TREX2: variants seen among roughly 807,000 people sequenced by gnomAD.
TREX2 encodes three prime repair exonuclease 2.
For missense variants in TREX2, 242 were observed against 235.3 expected, an observed-to-expected ratio of 1.03 and a Z score of -0.19; for synonymous variants, 121 against 112.1, an observed-to-expected ratio of 1.08 and a Z score of -0.50.
Position 153,445,021 on chromosome X carries a change from C to A in TREX2, c.410G>T (p.Arg137Leu). ...CAGGCAGACAGTGTCCCGGGGCAGG[C>A]GGGCACCCAGGCGCCGCAGCTCGGC... ...LCAELRRLGA[R>L]LPRDTVCLDT... Residue 137 changes from arginine (R) to leucine (L), a missense_variant, in exon 2 of 2, where the codon CGC (arginine) becomes CTC (leucine). Physicochemically the swap from Arg to Leu is moderately radical, Grantham distance 102. Transcript: ENST00000370231. 8.6e-7 allele frequency: 1 copy of A among 1,165,588 alleles called. No homozygotes were observed. The highest frequency in any genetic ancestry group is 3.2e-5 in the East Asian group (1 of 31,736).
rs1556979442 is a variant in TREX2, at chrX:153,445,248, C to T, written c.183G>A (p.Thr61=). Residue 61 remains threonine (T), a synonymous_variant, in exon 2 of 2, where the codon ACG becomes ACA. Coordinates refer to ENST00000370231, the MANE Select transcript of TREX2 (RefSeq NM_080701.4). ...LVLPRVLDKL[T]LCMCPERPFT... ...AGGGGCGCTCCGGGCACATGCACAG[C>T]GTGAGCTTGTCCAGGACCCGGGGCA... 2.5e-6 allele frequency: 3 copies of T among 1,200,356 alleles called. No individual in the cohort carries two copies. Among genetic ancestry groups the T allele is most frequent in the Admixed American group, 4.4e-5 (2 of 45,106 alleles).
rs73640038 is a variant in TREX2, at chrX:153,445,171, C to T, written c.260G>A (p.Arg87Gln). ...GCCATCAAAGCCAGCCTTCCGGCAT[C>T]GCGCCAGGCCCTCACTGCTCAGGCC... ...ITGLSSEGLARCRKAGFDGAV... is the reference protein window; with the variant it reads ...ITGLSSEGLAQCRKAGFDGAV... Residue 87 changes from arginine (R) to glutamine (Q), a missense_variant, in exon 2 of 2, where the codon CGA (arginine) becomes CAA (glutamine). By Grantham distance (43) the Arg-to-Gln change is conservative. Coordinates refer to ENST00000370231, the MANE Select transcript of TREX2 (RefSeq NM_080701.4). 2.7e-4 allele frequency: 331 copies of T among 1,208,378 alleles called. No individual in the cohort carries two copies. In the African/African-American group the frequency reaches 5.1e-3, roughly 19 times the overall value.
In TREX2 at chrX:153,445,267, C is replaced by G; in HGVS notation, c.164G>C (p.Arg55Pro). ...GCACAGCGTGAGCTTGTCCAGGACC[C>G]GGGGCAATACTAGGGCACCAGACTC... Reference protein sequence around the residue: ...HDESGALVLPRVLDKLTLCMC... With the variant: ...HDESGALVLPPVLDKLTLCMC... The change falls in exon 2 of 2, where the codon CGG becomes CCG. Residue 55 changes from arginine to proline, a missense_variant. Coordinates refer to ENST00000370231, the MANE Select transcript of TREX2 (RefSeq NM_080701.4). 8.3e-7 allele frequency: 1 copy of G among 1,198,435 alleles called. No individual in the cohort carries two copies. Among genetic ancestry groups the G allele is most frequent in the Non-Finnish European group, 1.1e-6 (1 of 887,590 alleles).
chrX:153,445,000 C>A lies in TREX2; in HGVS notation c.431G>T (p.Cys144Phe). The A allele has an allele frequency of 8.5e-7, 1 of 1,175,711 alleles. No individual in the cohort carries two copies. Among genetic ancestry groups the A allele is most frequent in the Non-Finnish European group, 1.1e-6 (1 of 877,385 alleles). Reference sequence around the variant, plus strand: ...CCGCAGGGCCGGCAGCGTGTCCAGGCAGACAGTGTCCCGGGGCAGGCGGGC... The same window carrying A: ...CCGCAGGGCCGGCAGCGTGTCCAGGAAGACAGTGTCCCGGGGCAGGCGGGC... ...LGARLPRDTVCLDTLPALRGL... is the reference protein window; with the variant it reads ...LGARLPRDTVFLDTLPALRGL... Residue 144 changes from cysteine (C) to phenylalanine (F), a missense_variant, in exon 2 of 2, where the codon TGC (cysteine) becomes TTC (phenylalanine). Coordinates refer to ENST00000370231, the MANE Select transcript of TREX2 (RefSeq NM_080701.4).
Position 153,444,929 on chromosome X carries a change from G to C in TREX2, c.502C>G (p.Gln168Glu), listed in dbSNP as rs1349214207. 2.5e-6 allele frequency: 3 copies of C among 1,194,215 alleles called. No homozygotes were observed. Among genetic ancestry groups the C allele is most frequent in the Non-Finnish European group, 3.4e-6 (3 of 887,419 alleles). ...HSHGTRARGR[Q>E]GYSLGSLFHR... ...AAGAGGCTGCCGAGGCTGTAACCCT[G>C]GCGGCCCCGGGCCCGGGTGCCGTGG... The change falls in exon 2 of 2, where the codon CAG becomes GAG. Residue 168 changes from glutamine (Q) to glutamate (E), a missense_variant. Transcript: ENST00000370231.
chrX:153,444,704 G>T lies in TREX2; in HGVS notation c.*16C>A. 1 of 1,174,535 alleles carries T rather than the reference G, an allele frequency of 8.5e-7. No homozygotes were observed. The highest frequency in any genetic ancestry group is 1.1e-6 in the Non-Finnish European group (1 of 877,305). On this transcript the variant is annotated 3_prime_UTR_variant, in exon 2 of 2. Coordinates refer to ENST00000370231, the MANE Select transcript of TREX2 (RefSeq NM_080701.4). ...GAGGCTGGCACTGTCCATGGCACAG[G>T]AGGTGGCCCTGGTGCTCAGGCCTCC...
rs1556979239 is a variant in TREX2, at chrX:153,444,851, C to T, written c.580G>A (p.Val194Met). Residue 194 changes from valine (V) to methionine (M), a missense_variant, in exon 2 of 2, where the codon GTG (valine) becomes ATG (methionine). Transcript: ENST00000370231. Reference sequence around the variant, plus strand: ...AGGAAGATCAGGAGCAGGGTGTGCACGTCGCCCTCGGCTGAGTGGGCTGCG... The same window carrying T: ...AGGAAGATCAGGAGCAGGGTGTGCATGTCGCCCTCGGCTGAGTGGGCTGCG... ...PSAAHSAEGDVHTLLLIFLHR... is the reference protein window; with the variant it reads ...PSAAHSAEGDMHTLLLIFLHR... 2 of 1,202,673 alleles carry T rather than the reference C, an allele frequency of 1.7e-6. No homozygotes were observed. Among genetic ancestry groups the T allele is most frequent in the Middle Eastern group, 2.3e-4 (1 of 4,313 alleles).
At position 153,445,056 on chromosome X, in the gene TREX2, G is replaced by A. The variant is rs782726707; in HGVS notation, c.375C>T (p.Pro125=). The change falls in exon 2 of 2, where the codon CCC becomes CCT. Residue 125 remains proline, a synonymous_variant. Coordinates refer to ENST00000370231, the MANE Select transcript of TREX2 (RefSeq NM_080701.4). ...VAHNGFDYDF[P]LLCAELRRLG... The stretch of plus-strand genomic sequence containing the variant: ...GGCGCCGCAGCTCGGCACACAGCAG[G>A]GGGAAATCATAATCAAAGCCATTGT... 8 of 1,170,483 alleles carry A rather than the reference G, an allele frequency of 6.8e-6. No homozygotes were observed. The highest frequency in any genetic ancestry group is 8.0e-6 in the Non-Finnish European group (7 of 874,809).
rs1272573430 is a variant in TREX2, at chrX:153,444,530, C to T, written c.*190G>A. ...AAACTCTGCTGGGCACCCAGGCCAG[C>T]CGGGAGAGCACGGCCCTGGAAGCGG... is the stretch of plus-strand genomic sequence containing the variant. On this transcript the variant is annotated 3_prime_UTR_variant, in exon 2 of 2. Transcript: ENST00000370231. Among the ~76,000 whole-genome samples, 1 of 112,489 alleles carries T rather than the reference C, an allele frequency of 8.9e-6. No homozygotes were observed. The highest frequency in any genetic ancestry group is 1.9e-5 in the Non-Finnish European group (1 of 53,041).
chrX:153,445,804 C>CT (rs1556979670), intron 1 of TREX2, among the ~76,000 whole-genome samples: 1 of 113,009 alleles, frequency 8.8e-6, no homozygotes, highest in Non-Finnish European at 1.9e-5. Flanking sequence ...GCATAGCACA[C>CT]TGGGTCTCCA....
Position 153,444,962 on chromosome X carries a change from C to A in TREX2, c.469G>T (p.Ala157Ser). 8.4e-7 allele frequency: 1 copy of A among 1,185,664 alleles called. No individual in the cohort carries two copies. Among genetic ancestry groups the A allele is most frequent in the Non-Finnish European group, 1.1e-6 (1 of 882,605 alleles). Residue 157 changes from alanine to serine, a missense_variant, in exon 2 of 2, where the codon GCC becomes TCC. Ala to Ser is a moderately conservative substitution (Grantham distance 99). Transcript: ENST00000370231. ...TLPALRGLDR[A>S]HSHGTRARGR... ...CGGGCCCGGGTGCCGTGGCTGTGGG[C>A]GCGGTCCAGGCCCCGCAGGGCCGGC...
In TREX2 at chrX:153,445,251, G is replaced by GACA. The variant is rs2089147417; in HGVS notation, c.179_180insTGT (p.Leu60_Thr61insVal). ...GGCGCTCCGGGCACATGCACAGCGT[G>GACA]AGCTTGTCCAGGACCCGGGGCAATA... On this transcript the variant is annotated inframe_insertion, in exon 2 of 2. Transcript: ENST00000370231. 4.2e-6 allele frequency: 5 copies of GACA among 1,199,011 alleles called. No homozygotes were observed. Among genetic ancestry groups the GACA allele is most frequent in the Non-Finnish European group, 5.6e-6 (5 of 888,317 alleles).
rs1556979377 is a variant in TREX2 at position 153,445,097 on chromosome X, T to C, written c.334A>G (p.Ile112Val). 3 of 1,189,456 alleles carry C rather than the reference T, an allele frequency of 2.5e-6. No individual in the cohort carries two copies. The highest frequency in any genetic ancestry group is 1.9e-5 in the South Asian group (1 of 53,720). The change falls in exon 2 of 2, where the codon ATC (isoleucine) becomes GTC (valine). Residue 112 changes from isoleucine (I) to valine (V), a missense_variant. Physicochemically the swap from Ile to Val is conservative, Grantham distance 29. Transcript: ENST00000370231. ...AAGCCATTGTGGGCCACAAGGCAGA[T>C]GGGCCCTGCCTGGCGGCTCAGGAAG... ...QAFLSRQAGP[I>V]CLVAHNGFDY...
rs927964444 is a variant in TREX2, at chrX:153,445,409, C to T, written c.22G>A (p.Glu8Lys). ...TCCAGGTCCAGGAAGACAAAGGTCT[C>T]GGCCCGGGGTGCCTCGGACATGGTG... is the stretch of plus-strand genomic sequence containing the variant. MSEAPRAETFVFLDLEAT... is the reference protein window; with the variant it reads MSEAPRAKTFVFLDLEAT... Residue 8 changes from glutamate to lysine, a missense_variant, in exon 2 of 2, where the codon GAG becomes AAG. Transcript: ENST00000370231. 35 of 1,140,148 alleles carry T rather than the reference C, an allele frequency of 3.1e-5. No homozygotes were observed. Among genetic ancestry groups the T allele is most frequent in the Non-Finnish European group, 3.5e-5 (30 of 860,983 alleles). 94.0% of individuals were successfully genotyped at this position (1,140,148 alleles called of 1,213,427 possible).
rs781977842 is a variant in TREX2, at chrX:153,445,431, G to C, written c.-1C>G. 3.4e-5 allele frequency: 38 copies of C among 1,122,949 alleles called. No homozygotes were observed. The highest frequency in any genetic ancestry group is 4.2e-5 in the Non-Finnish European group (36 of 851,161). 92.5% of individuals were successfully genotyped at this position (1,122,949 alleles called of 1,213,427 possible). A position where few individuals can be genotyped will look rare whatever the true frequency, so the allele number is the denominator to read the frequency against. ...TCTCGGCCCGGGGTGCCTCGGACAT[G>C]GTGATGTTCCCACGGGGATAGCAAG... On this transcript the variant is annotated 5_prime_UTR_variant, in exon 2 of 2. Coordinates refer to ENST00000370231, the MANE Select transcript of TREX2 (RefSeq NM_080701.4).
Position 153,444,676 on chromosome X carries a change from G to A in TREX2, c.*44C>T. On this transcript the variant is annotated 3_prime_UTR_variant, in exon 2 of 2. Transcript: ENST00000370231. ...GGGGGTGGTAGAGGCCAGCTGAACGGTGGAGGCTGGCACTGTCCATGGCAC... is the reference window on the plus strand; with the variant it reads ...GGGGGTGGTAGAGGCCAGCTGAACGATGGAGGCTGGCACTGTCCATGGCAC... The A allele has an allele frequency of 5.2e-6, 6 of 1,153,802 alleles. No individual in the cohort carries two copies. The highest frequency in any genetic ancestry group is 2.6e-5 in the Admixed American group (1 of 38,872).
At position 153,445,997 on chromosome X, in the gene TREX2, A is replaced by C; in HGVS notation, c.-66+12T>G. On this transcript the variant is annotated intron_variant, in intron 1 of 1. Coordinates refer to ENST00000370231, the MANE Select transcript of TREX2 (RefSeq NM_080701.4). ...GGAGACTGTCCTTGCCAACCCCACCACACCAGCTTACCTGGGGCGGGCACT... is the reference window on the plus strand; with the variant it reads ...GGAGACTGTCCTTGCCAACCCCACCCCACCAGCTTACCTGGGGCGGGCACT... 7.6e-6 allele frequency: 1 copy of C among 132,165 alleles called. No homozygotes were observed. The highest frequency in any genetic ancestry group is 1.5e-5 in the Non-Finnish European group (1 of 66,073). The allele number at this position is 132,165 out of a possible 1,213,427, so 10.9% of individuals were successfully genotyped here.
In TREX2 at chrX:153,445,416, G is replaced by C. The variant is rs1338047454; in HGVS notation, c.15C>G (p.Pro5=). The C allele has an allele frequency of 8.8e-7, 1 of 1,133,080 alleles. No homozygotes were observed. The highest frequency in any genetic ancestry group is 3.2e-5 in the East Asian group (1 of 31,217). 93.4% of individuals were successfully genotyped at this position (1,133,080 alleles called of 1,213,427 possible). MSEA[P]RAETFVFLDL... ...CCAGGAAGACAAAGGTCTCGGCCCG[G>C]GGTGCCTCGGACATGGTGATGTTCC... is the stretch of plus-strand genomic sequence containing the variant. The change falls in exon 2 of 2, where the codon CCC becomes CCG. Residue 5 remains proline (P), a synonymous_variant. Transcript: ENST00000370231.
rs2089152072 is a variant in TREX2, at chrX:153,445,470, C to T, written c.-40G>A. 4.6e-6 allele frequency: 5 copies of T among 1,085,287 alleles called. No individual in the cohort carries two copies. The highest frequency in any genetic ancestry group is 6.1e-6 in the Non-Finnish European group (5 of 820,188). 89.4% of individuals were successfully genotyped at this position (1,085,287 alleles called of 1,213,427 possible). On this transcript the variant is annotated 5_prime_UTR_variant, in exon 2 of 2. Transcript: ENST00000370231. ...GGGGATAGCAAGTCCTCAAACTGTCCGAGCGAGAGGCACAAACCCTGAGGA... is the reference window on the plus strand; with the variant it reads ...GGGGATAGCAAGTCCTCAAACTGTCTGAGCGAGAGGCACAAACCCTGAGGA...
Sources: allele counts gnomAD v4.1 joint callset (sites outside exome capture counted in the v4.1 genomes callset), GRCh38; gene constraint gnomAD v4.1.1; transcripts MANE v1.5; gene names NCBI Gene and HGNC (gene_info 2026-07-23, HGNC 2026-07-21).